ABLIM1: variants seen among roughly 807,000 people sequenced by gnomAD.
The protein encoded by ABLIM1 is actin-binding LIM protein 1.
A neutral mutation model predicts 107.0 loss-of-function variants in ABLIM1; 40 were observed. The ratio of observed to expected loss-of-function variants is 0.37; its 90% confidence interval spans 0.29 to 0.49. The LOEUF (loss-of-function observed/expected upper bound fraction) is 0.49, where lower values mean the gene tolerates loss of function less well. ABLIM1 is among the 20% of genes least tolerant of loss of function. The pLI, the probability that ABLIM1 is intolerant of heterozygous loss-of-function variation, is 0.97. For synonymous variants in ABLIM1, 357 were observed against 357.3 expected, an observed-to-expected ratio of 1.00 and a Z score of 0.01; for missense variants, 857 against 1,008.5, an observed-to-expected ratio of 0.85 and a Z score of 2.04.
chr10:114,440,743 G>A (rs2060069850), intron 19 of ABLIM1: 5 of 536,994 alleles, frequency 9.3e-6, no homozygotes, highest in Non-Finnish European at 1.4e-5. Context: ...TTGCAGGCAT[G>A]AGCCACCATG....
chr10:114,668,433 T>A (rs901635099), intron 1 of ABLIM1, among the ~76,000 whole-genome samples: 1 of 152,124 alleles, frequency 6.6e-6, no homozygotes, highest in Admixed American at 6.5e-5. Flanking sequence ...ACAGCCCTAA[T>A]AGAAAAATGG....
chr10:114,479,734 T>C (rs1395543695), intron 8 of ABLIM1, among the ~76,000 whole-genome samples: 3 of 152,214 alleles, frequency 2.0e-5, no homozygotes, highest in African/African-American at 7.2e-5. Flanking sequence ...GTCTCTCCCT[T>C]ATGAAGGTCA....
upstream of ABLIM1, among the ~76,000 whole-genome samples, chr10:114,688,343 A>T (rs77890616): frequency 0.016 from 2,448 of 151,884 alleles, 64 homozygotes; most frequent in African/African-American, 0.055. Context: ...ATATGAAAAA[A>T]CTCATGTAAT....
chr10:114,447,762 G>A (rs1435201721), intron 15 of ABLIM1, 118 bp downstream of exon 15: 1 of 1,404,942 alleles, frequency 7.1e-7, no homozygotes, highest in Non-Finnish European at 9.7e-7. Context: ...CTACCTCTTG[G>A]TCATACTTTT....
At chr10:114,459,003 T>C (rs1421118125) in intron 12 of ABLIM1, among the ~76,000 whole-genome samples, 1 of 152,208 alleles carries the variant, frequency 6.6e-6, no homozygotes, top group African/African-American at 2.4e-5. Context: ...GGAAAATGAA[T>C]GGGGAAGCCA....
Position 114,436,435 on chromosome 10 carries a change from G to C in ABLIM1, c.2224-62C>G, listed in dbSNP as rs542263690. On this transcript the variant is annotated intron_variant, in intron 22 of 22. Transcript: ENST00000533213. ...TCCTGATGGCCACACAAATGGCCTTGAGCGTTGCTCTATAGTTTATACAGA... is the reference window on the plus strand; with the variant it reads ...TCCTGATGGCCACACAAATGGCCTTCAGCGTTGCTCTATAGTTTATACAGA... The C allele has an allele frequency of 2.4e-6, 3 of 1,268,080 alleles. No individual in the cohort carries two copies. In the South Asian group the frequency reaches 3.8e-5, roughly 16 times the overall value. 78.6% of individuals were successfully genotyped at this position (1,268,080 alleles called of 1,614,324 possible).
intron 14 of ABLIM1, 136 bp downstream of exon 14, chr10:114,451,488 C>G: frequency 1.2e-6 from 1 of 824,300 alleles, no homozygotes; most frequent in Non-Finnish European, 2.1e-6. Context: ...TCTTAGTAGA[C>G]CAGAAAGGCA....
chr10:114,434,280 AACACACACACAC>A lies in ABLIM1; in HGVS notation c.*1968_*1979del, dbSNP rs58418721. ...ATTTGCTAAACATGTTAGTAGATCC[AACACACACACAC>A]ACACACACACACACACACACACACA... On this transcript the variant is annotated 3_prime_UTR_variant, in exon 23 of 23. Transcript: ENST00000533213. 0.21 allele frequency: 28,854 copies of A among 138,824 alleles called. 3,416 individuals carry two copies. Among genetic ancestry groups the A allele is most frequent in the Middle Eastern group, 0.32 (87 of 274 alleles). The allele number at this position is 138,824 out of a possible 1,614,324, so 8.6% of individuals were successfully genotyped here.
At chr10:114,456,217 T>C (rs1250192338) in intron 12 of ABLIM1, among the ~76,000 whole-genome samples, 1 of 152,206 alleles carries the variant, frequency 6.6e-6, no homozygotes, top group Non-Finnish European at 1.5e-5. Flanking sequence ...TTTTTTAATA[T>C]TTCAATTCAC....
intron 1 of ABLIM1, among the ~76,000 whole-genome samples, chr10:114,758,153 T>A (rs1437334702): frequency 1.3e-5 from 2 of 152,206 alleles, no homozygotes; most frequent in Non-Finnish European, 2.9e-5. Context: ...TCTTCTTTTT[T>A]AAATTTTTTT....
chr10:114,789,984 C>T, the ABLIM1 span, among the ~76,000 whole-genome samples: 1 of 152,166 alleles, frequency 6.6e-6, no homozygotes, highest in Admixed American at 6.5e-5. Flanking sequence ...GTAGAGATGG[C>T]GTTTCGCCAT....
At chr10:114,482,499 T>G (rs2057519048) in intron 8 of ABLIM1, among the ~76,000 whole-genome samples, 1 of 152,188 alleles carries the variant, frequency 6.6e-6, no homozygotes, top group Non-Finnish European at 1.5e-5. Flanking sequence ...CAAAAGTACT[T>G]AAAAGATAAC....
At chr10:114,531,107 C>G (rs1170036669) in intron 6 of ABLIM1, among the ~76,000 whole-genome samples, 2 of 152,226 alleles carry the variant, frequency 1.3e-5, no homozygotes, top group African/African-American at 4.8e-5. Flanking sequence ...ATCAACATGA[C>G]TGTTAACTTG....
intron 6 of ABLIM1, among the ~76,000 whole-genome samples, chr10:114,520,474 T>C (rs1236559433): frequency 6.6e-6 from 1 of 152,060 alleles, no homozygotes; most frequent in Non-Finnish European, 1.5e-5. Flanking sequence ...TTTCATATTC[T>C]AGGGGAAATC....
At chr10:114,756,608 T>G (rs1045646274) in intron 1 of ABLIM1, among the ~76,000 whole-genome samples, 1 of 152,202 alleles carries the variant, frequency 6.6e-6, no homozygotes, top group Non-Finnish European at 1.5e-5. Context: ...TTTCCTCATA[T>G]TGTGTCTGCA....
intron 8 of ABLIM1, among the ~76,000 whole-genome samples, chr10:114,476,147 C>T (rs920245670): frequency 1.4e-4 from 21 of 152,186 alleles, no homozygotes; most frequent in African/African-American, 3.4e-4. Flanking sequence ...CTTTGAGATG[C>T]TAGGGTGGAA....
intron 1 of ABLIM1, among the ~76,000 whole-genome samples, chr10:114,748,997 AC>A (rs964573220): frequency 6.6e-6 from 1 of 152,182 alleles, no homozygotes; most frequent in African/African-American, 2.4e-5. Context: ...TTGACAGCAG[AC>A]ATACCTGCAC....
chr10:114,606,312 T>C (rs1051469258), intron 1 of ABLIM1, among the ~76,000 whole-genome samples: 1 of 152,146 alleles, frequency 6.6e-6, no homozygotes, highest in Admixed American at 6.5e-5. Flanking sequence ...GTCAGCTCAC[T>C]GCAACCTCTG....
upstream of ABLIM1, among the ~76,000 whole-genome samples, chr10:114,689,003 T>G (rs983463278): frequency 2.6e-4 from 40 of 152,226 alleles, no homozygotes; most frequent in African/African-American, 7.5e-4. Context: ...TGAGTCACAT[T>G]CTGCTTTCAA....
Sources: gnomAD v4.1 joint callset for allele counts (sites outside exome capture counted in the v4.1 genomes callset) on GRCh38, gnomAD v4.1.1 for gene constraint, MANE v1.5 for transcripts, NCBI Gene and HGNC (gene_info 2026-07-23, HGNC 2026-07-21) for gene names.